The following STS variants were observed in gnomAD, a reference collection of about 807,000 sequenced individuals.
STS encodes steroid sulfatase.
Under a neutral mutation model 26.8 loss-of-function variants are expected in STS, and 7 were observed. The ratio of observed to expected loss-of-function variants is 0.26; its 90% CI spans 0.15 to 0.49. The LOEUF (loss-of-function observed/expected upper bound fraction) is 0.49, where lower values mean the gene tolerates loss of function less well. Among genes scored for constraint, STS ranks in the 20% least tolerant of loss-of-function variants. The probability of loss-of-function intolerance (pLI) is 0.98; values close to 1 mark genes in which losing one functional copy is unlikely to be tolerated. For missense variants in STS, 434 were observed against 465.6 expected (o/e 0.93, Z 0.63); for synonymous variants, 199 against 189.4 (o/e 1.05, Z -0.42).
chrX:7,215,020 A>AT (rs1921222347), intron 2 of STS, among the ~76,000 whole-genome samples: 5 of 72,498 alleles, frequency 6.9e-5, no homozygotes, highest in African/African-American at 1.9e-4. Context: ...GTATATATAT[A>AT]TATTATATAT....
chrX:7,312,554 G>T (rs1367016347), intron 8 of STS, among the ~76,000 whole-genome samples: 1 of 111,011 alleles, frequency 9.0e-6, no homozygotes, highest in Non-Finnish European at 1.9e-5. Flanking sequence ...GTCATGGGAG[G>T]CACCTGGTCA....
chrX:7,164,550 T>C (rs1362291856), intron 1 of STS, among the ~76,000 whole-genome samples: 2 of 110,743 alleles, frequency 1.8e-5, no homozygotes, highest in Non-Finnish European at 3.8e-5. Context: ...CACTTGTAAG[T>C]AGCTCCCAGC....
At chrX:7,175,307 G>A (rs372188954) in intron 1 of STS, among the ~76,000 whole-genome samples, 155 of 109,294 alleles carry the variant, frequency 1.4e-3, no homozygotes, top group African/African-American at 4.8e-3. Flanking sequence ...GAAATGTGGC[G>A]AAACCCTGGC....
chrX:7,323,214 C>T (rs151116505), intron 8 of STS, among the ~76,000 whole-genome samples: 6 of 110,068 alleles, frequency 5.5e-5, no homozygotes, highest in African/African-American at 2.0e-4. Context: ...TTTAGTGGCT[C>T]AAAACAACAT....
intron 2 of STS, among the ~76,000 whole-genome samples, chrX:7,205,546 T>G (rs1394070679): frequency 8.9e-6 from 1 of 111,845 alleles, no homozygotes; most frequent in Non-Finnish European, 1.9e-5. Context: ...CTGGAGGGGT[T>G]GGCTGGTATA....
intron 1 of STS, among the ~76,000 whole-genome samples, chrX:7,166,804 G>A (rs1386057988): frequency 9.0e-6 from 1 of 111,608 alleles, no homozygotes; most frequent in East Asian, 2.8e-4. Context: ...AACCAGGAAC[G>A]GTTGTCTTCA....
At position 7,253,208 on chromosome X, in the gene STS, C is replaced by T. The variant is rs1363275818; in HGVS notation, c.9C>T (p.Ile3=). The T allele has an allele frequency of 8.3e-7, 1 of 1,211,109 alleles. No individual in the cohort carries two copies. Among genetic ancestry groups the T allele is most frequent in the Non-Finnish European group, 1.1e-6 (1 of 895,146 alleles). Residue 3 remains isoleucine (I), a synonymous_variant, in exon 3 of 11, where the codon ATC becomes ATT. Transcript: ENST00000674429. ...TTGTCCTTTACAGGAAGATGAAGAT[C>T]CCTTTCCTCCTACTGTTCTTTCTGT... is the stretch of plus-strand genomic sequence containing the variant. MK[I]PFLLLFFLWE...
At chrX:7,206,840 T>G (rs1169831754) in intron 2 of STS, among the ~76,000 whole-genome samples, 2 of 112,381 alleles carry the variant, frequency 1.8e-5, no homozygotes, top group Non-Finnish European at 3.8e-5. Flanking sequence ...AACAGTTACT[T>G]AGTTTTGGTT....
At chrX:7,164,370 G>T (rs1382514327) in intron 1 of STS, among the ~76,000 whole-genome samples, 1 of 111,503 alleles carries the variant, frequency 9.0e-6, no homozygotes, top group African/African-American at 3.3e-5. Context: ...TTGTTTTTTG[G>T]TTTATGGTAT....
chrX:7,233,890 G>T (rs1922189860), intron 2 of STS, among the ~76,000 whole-genome samples: 1 of 111,850 alleles, frequency 8.9e-6, no homozygotes, highest in African/African-American at 3.3e-5. Flanking sequence ...GAGCCAAGAT[G>T]GTTTGAGCTA....
At chrX:7,167,796 T>C (rs1396619290) in intron 1 of STS, among the ~76,000 whole-genome samples, 3 of 111,384 alleles carry the variant, frequency 2.7e-5, no homozygotes, top group African/African-American at 9.8e-5. Flanking sequence ...CAAGCCATCC[T>C]CCTGGCTCAG....
chrX:7,211,204 C>G (rs1164206356), intron 2 of STS, among the ~76,000 whole-genome samples: 1 of 111,849 alleles, frequency 8.9e-6, no homozygotes, highest in Admixed American at 9.5e-5. Context: ...TGCTCCATAG[C>G]ACACAGTGGC....
intron 7 of STS, among the ~76,000 whole-genome samples, chrX:7,281,198 A>G (rs1924843552): frequency 8.9e-6 from 1 of 111,970 alleles, no homozygotes. Flanking sequence ...TGGAAAAAAA[A>G]AAAAGAAAAA....
intron 8 of STS, among the ~76,000 whole-genome samples, chrX:7,317,285 G>GT (rs56896506): frequency 0.25 from 25,844 of 104,019 alleles, 2,420 homozygotes; most frequent in East Asian, 0.41. Flanking sequence ...TCCTTCACCT[G>GT]TTTTTTTTTT....
chrX:7,157,579 A>G (rs1167358568), intron 1 of STS, among the ~76,000 whole-genome samples: 1 of 112,075 alleles, frequency 8.9e-6, no homozygotes, highest in Non-Finnish European at 1.9e-5. Context: ...CATAGCTCGT[A>G]AAGTAAAATC....
At position 7,304,457 on chromosome X, in the gene STS, C is replaced by T. The variant is rs144964227; in HGVS notation, c.944-589C>T. On this transcript the variant is annotated intron_variant, in intron 7 of 10. Transcript: ENST00000674429. ...GAGGAATGTTGATATTTGTGATGGA[C>T]GGTTTAGACTTGGAGAATAACTCCC... Among the ~76,000 whole-genome samples the T allele has an allele frequency of 6.0e-3, 672 of 111,121 alleles. 1 individual carries two copies. Among genetic ancestry groups the T allele is most frequent in the African/African-American group, 0.021 (634 of 30,521 alleles).
chrX:7,351,789 A>T lies in STS; in HGVS notation c.*1528A>T, dbSNP rs753247271. ...TTAGCCATGACTTGGGCTTTCTGAA[A>T]GTTGGCTATAATTTCTCTATCCCTA... On this transcript the variant is annotated 3_prime_UTR_variant, in exon 11 of 11. Coordinates refer to ENST00000674429, the MANE Select transcript of STS (RefSeq NM_001320752.2). The T allele has an allele frequency of 1.8e-5, 2 of 110,665 alleles. No homozygotes were observed. The highest frequency in any genetic ancestry group is 3.8e-5 in the Non-Finnish European group (2 of 52,971). The allele number at this position is 110,665 out of a possible 1,213,427, so 9.1% of individuals were successfully genotyped here.
chrX:7,310,477 A>G (rs1429178177), intron 8 of STS, among the ~76,000 whole-genome samples: 1 of 111,975 alleles, frequency 8.9e-6, no homozygotes, highest in African/African-American at 3.2e-5. Context: ...CTGCACTTGT[A>G]TCTGTGTCAA....
At chrX:7,262,404 T>G (rs765242006) in intron 6 of STS, among the ~76,000 whole-genome samples, 5 of 111,189 alleles carry the variant, frequency 4.5e-5, no homozygotes, top group Non-Finnish European at 9.4e-5. Context: ...GGTCAGCATG[T>G]AGACCAGGCC....
Sources: gnomAD v4.1 joint callset for allele counts (sites outside exome capture counted in the v4.1 genomes callset) on GRCh38, gnomAD v4.1.1 for gene constraint, MANE v1.5 for transcripts, NCBI Gene and HGNC (gene_info 2026-07-23, HGNC 2026-07-21) for gene names.